Variants in SOX5 observed in about 807,000 individuals in gnomAD.
The protein encoded by SOX5 is SRY-box transcription factor 5.
In SOX5, 9 loss-of-function variants were observed where a neutral mutation model predicts 92.0. The observed-to-expected ratio is 0.10, with a 90% CI of 0.06 to 0.17. SOX5 has a LOEUF of 0.17. Among genes scored for constraint, SOX5 ranks in the 10% least tolerant of loss-of-function variants. The pLI is 1.00. For synonymous variants in SOX5, 344 were observed against 336.3 expected (o/e 1.02, Z -0.25); for missense variants, 642 against 944.5 (o/e 0.68, Z 4.20).
intron 1 of SOX5, among the ~76,000 whole-genome samples, chr12:24,518,585 A>C (rs2955489): frequency 7.6e-4 from 115 of 152,266 alleles, no homozygotes; most frequent in Middle Eastern, 3.4e-3. Flanking sequence ...ACACTACTAG[A>C]TAACACCCAA....
chr12:24,143,871 G>A (rs1372617158), intron 4 of SOX5, among the ~76,000 whole-genome samples: 1 of 150,896 alleles, frequency 6.6e-6, no homozygotes, highest in Non-Finnish European at 1.5e-5. Flanking sequence ...GGAGGAGAAG[G>A]AGGAGGAGGA....
At position 24,393,712 on chromosome 12, in the gene SOX5, C is replaced by A. The variant is rs947850154; in HGVS notation, c.-250-25073G>T. Among the ~76,000 whole-genome samples, 54 of 152,264 alleles carry A rather than the reference C, an allele frequency of 3.5e-4. No homozygotes were observed. The highest frequency in any genetic ancestry group is 9.2e-4 in the Admixed American group (14 of 15,296). On this transcript the variant is annotated intron_variant, in intron 1 of 4. Coordinates refer to the SOX5 transcript ENST00000446891. This position sits in a 1 kb window ranked among gnomAD's most constrained non-coding sequence, Gnocchi z 5.0. The stretch of plus-strand genomic sequence containing the variant: ...TAAAATTTGGCAAAACTTTTCTATT[C>A]TTTAAAAAATTATGACACAATACTA...
chr12:24,281,237 G>GAAAAAA (rs71448005), intron 2 of SOX5, among the ~76,000 whole-genome samples: 2 of 97,242 alleles, frequency 2.1e-5, no homozygotes, highest in African/African-American at 3.4e-5. Flanking sequence ...TTACCAAAAG[G>GAAAAAA]AAAAAAAAAA....
At chr12:24,164,241 C>T (rs7299822) in intron 4 of SOX5, among the ~76,000 whole-genome samples, 135,864 of 152,068 alleles carry the variant, frequency 0.89, 60,859 homozygotes, top group East Asian at 0.99. Context: ...ATCAGTAGAA[C>T]TGTAGCTGAT....
At chr12:23,897,598 A>G (rs2097190316) in intron 1 of SOX5, among the ~76,000 whole-genome samples, 1 of 152,266 alleles carries the variant, frequency 6.6e-6, no homozygotes, top group South Asian at 2.1e-4. Flanking sequence ...ACAGACTAAA[A>G]CTACAGTGCA....
chr12:24,507,875 T>C (rs35302043), intron 1 of SOX5, among the ~76,000 whole-genome samples: 2 of 152,170 alleles, frequency 1.3e-5, no homozygotes, highest in Non-Finnish European at 2.9e-5. Flanking sequence ...CATCTCCTTC[T>C]GTAAATATTT....
At chr12:24,178,754 T>A (rs189393286) in intron 4 of SOX5, among the ~76,000 whole-genome samples, 51 of 152,328 alleles carry the variant, frequency 3.3e-4, no homozygotes, top group Admixed American at 1.0e-3. Flanking sequence ...TTGTTCTATA[T>A]GCTACTGTAT....
At chr12:24,102,245 G>A (rs998659545) in intron 4 of SOX5, among the ~76,000 whole-genome samples, 1 of 152,096 alleles carries the variant, frequency 6.6e-6, no homozygotes, top group African/African-American at 2.4e-5. Flanking sequence ...ATTGACTAGA[G>A]GAGGAAAAAG....
chr12:24,107,312 G>A (rs117512603), intron 4 of SOX5, among the ~76,000 whole-genome samples: 465 of 152,152 alleles, frequency 3.1e-3, no homozygotes, highest in Non-Finnish European at 5.5e-3. Flanking sequence ...TATATTCTTA[G>A]TGTGTTTTAG....
intron 2 of SOX5, among the ~76,000 whole-genome samples, chr12:23,873,723 G>A (rs556136080): frequency 1.3e-5 from 2 of 152,056 alleles, no homozygotes; most frequent in South Asian, 2.1e-4. Flanking sequence ...TTTCTTTGCC[G>A]CAAAGGATAT....
chr12:23,896,677 T>G (rs996781795), intron 1 of SOX5, among the ~76,000 whole-genome samples: 3 of 151,132 alleles, frequency 2.0e-5, no homozygotes, highest in Non-Finnish European at 4.4e-5. Flanking sequence ...ATTACCCAAT[T>G]TGGGCATTTA....
intron 1 of SOX5, among the ~76,000 whole-genome samples, chr12:23,914,003 A>G (rs12811046): frequency 0.35 from 53,006 of 151,998 alleles, 10,066 homozygotes; most frequent in Non-Finnish European, 0.44. Context: ...AAGGTAACTC[A>G]ACCTTCAGTT....
At chr12:23,802,092 G>C (rs2095669504) in intron 3 of SOX5, among the ~76,000 whole-genome samples, 1 of 151,244 alleles carries the variant, frequency 6.6e-6, no homozygotes, top group South Asian at 2.1e-4. Context: ...TAATTTTTTT[G>C]AGACGGAGTC....
At chr12:24,443,479 T>C (rs1353672049) in intron 1 of SOX5, among the ~76,000 whole-genome samples, 1 of 152,198 alleles carries the variant, frequency 6.6e-6, no homozygotes, top group African/African-American at 2.4e-5. Flanking sequence ...CAAACCAATT[T>C]GATTCTGTCA....
At chr12:24,169,094 T>C (rs1252348294) in intron 4 of SOX5, among the ~76,000 whole-genome samples, 3 of 152,204 alleles carry the variant, frequency 2.0e-5, no homozygotes, top group Non-Finnish European at 4.4e-5. Flanking sequence ...GTGATTCTTA[T>C]AGTGAATAGC....
chr12:23,970,076 A>G (rs539421764), intron 4 of SOX5, among the ~76,000 whole-genome samples: 107 of 152,224 alleles, frequency 7.0e-4, no homozygotes, highest in Non-Finnish European at 1.3e-3. Flanking sequence ...GACATATAAC[A>G]CATTCTTGCT....
intron 4 of SOX5, among the ~76,000 whole-genome samples, chr12:23,987,149 A>G (rs1034747655): frequency 9.9e-5 from 15 of 152,212 alleles, no homozygotes; most frequent in African/African-American, 3.1e-4. Context: ...TAAGACAGAC[A>G]AGGAGAGACA....
chr12:24,283,775 T>G (rs1273674717), intron 2 of SOX5, among the ~76,000 whole-genome samples: 1 of 152,224 alleles, frequency 6.6e-6, no homozygotes, highest in African/African-American at 2.4e-5. Flanking sequence ...TGTTTTTTCT[T>G]ATTATTAACT....
intron 3 of SOX5, 139 bp from the exon 4 acceptor site, chr12:23,755,863 A>C (rs2094351655): frequency 3.7e-6 from 2 of 541,790 alleles, no homozygotes; most frequent in Non-Finnish European, 6.4e-6. Context: ...AACTGATAAC[A>C]GGGGTGGAAA....
Sources: gnomAD v4.1 joint callset for allele counts (sites outside exome capture counted in the v4.1 genomes callset) on GRCh38, gnomAD v4.1.1 for gene constraint, Gnocchi (gnomAD v3.1) non-coding constraint, MANE v1.5 for transcripts, NCBI Gene and HGNC (gene_info 2026-07-23, HGNC 2026-07-21) for gene names.